The following TPO variants were observed in gnomAD, a reference collection of about 807,000 sequenced individuals.
The protein encoded by TPO is thyroid microsomal antigen.
A neutral mutation model predicts 96.9 loss-of-function variants in TPO; 78 were observed. That is an observed-to-expected ratio of 0.81 (90% CI 0.67 to 0.97). TPO has a LOEUF of 0.97. Ranked by LOEUF, TPO falls within the 50% of genes least tolerant of loss-of-function variation. The pLI, the probability that TPO is intolerant of heterozygous loss-of-function variation, is 0.00. For synonymous variants in TPO, 547 were observed against 538.0 expected, an observed-to-expected ratio of 1.02 and a Z score of -0.23; for missense variants, 1,252 against 1,274.8, an observed-to-expected ratio of 0.98 and a Z score of 0.27.
intron 6 of TPO, among the ~76,000 whole-genome samples, chr2:1,455,225 G>A (rs1486526552): frequency 1.3e-5 from 2 of 152,148 alleles, no homozygotes; most frequent in Non-Finnish European, 2.9e-5. Context: ...CCATCTCAAG[G>A]CCCTTAATGT....
chr2:1,422,368 G>A (rs928076138), intron 2 of TPO, among the ~76,000 whole-genome samples: 2 of 152,168 alleles, frequency 1.3e-5, no homozygotes, highest in African/African-American at 4.8e-5. Flanking sequence ...CGCCGCGCTG[G>A]ACCGACCTCG....
At position 1,496,633 on chromosome 2, in the gene TPO, G is replaced by A. The variant is rs777398235; in HGVS notation, c.2254G>A (p.Asp752Asn). The A allele has an allele frequency of 1.2e-6, 2 of 1,614,048 alleles. No individual in the cohort carries two copies. The highest frequency in any genetic ancestry group is 1.7e-6 in the Non-Finnish European group (2 of 1,180,026). Reference sequence around the variant, plus strand: ...CTTCCCAGAGAGCGTGGAGAATGGGGACTTTGTGCACTGTGAGGAGTCTGG... The same window carrying A: ...CTTCCCAGAGAGCGTGGAGAATGGGAACTTTGTGCACTGTGAGGAGTCTGG... ...CGFPESVENG[D>N]FVHCEESGRR... is the part of the protein sequence containing the mutation. Residue 752 changes from aspartate (D) to asparagine (N), a missense_variant, in exon 13 of 17, where the codon GAC (aspartate) becomes AAC (asparagine). Physicochemically the swap from Asp to Asn is conservative, Grantham distance 23 (BLOSUM62 1). Transcript: ENST00000329066.
intron 15 of TPO, among the ~76,000 whole-genome samples, chr2:1,526,471 ACTGTGTGCAAC>A (rs1178894488): frequency 2.6e-5 from 3 of 113,746 alleles, no homozygotes; most frequent in Non-Finnish European, 5.3e-5. Context: ...AATCCCCTCC[ACTGTGTGCAAC>A]CTCAAGTCCG....
chr2:1,518,104 C>T (rs935763980), intron 15 of TPO, among the ~76,000 whole-genome samples: 2 of 152,216 alleles, frequency 1.3e-5, no homozygotes, highest in African/African-American at 4.8e-5. Flanking sequence ...TTATCCAAGC[C>T]TCCCAGCCTC....
chr2:1,416,265 T>A (rs1343388036), intron 2 of TPO, among the ~76,000 whole-genome samples: 1 of 152,248 alleles, frequency 6.6e-6, no homozygotes, highest in Non-Finnish European at 1.5e-5. Flanking sequence ...CTCTATCACC[T>A]GGAACATGCT....
In TPO at chr2:1,540,770, G is replaced by A. The variant is rs150762359; in HGVS notation, c.2748+47G>A. On this transcript the variant is annotated intron_variant, in intron 16 of 16. Coordinates refer to ENST00000329066, the MANE Select transcript of TPO (RefSeq NM_001206744.2). Reference sequence around the variant, plus strand: ...GTTTCCAGCTGCCACCGCAGTGGTTGGACAGGATCTGGGTGTCGGAGCAGC... The same window carrying A: ...GTTTCCAGCTGCCACCGCAGTGGTTAGACAGGATCTGGGTGTCGGAGCAGC... 7.7e-3 allele frequency: 12,391 copies of A among 1,613,128 alleles called. 59 individuals are homozygous for A. Among genetic ancestry groups the A allele is most frequent in the Non-Finnish European group, 9.3e-3 (11,009 of 1,179,974 alleles).
chr2:1,375,306 G>T (rs962560321), intron 1 of TPO, among the ~76,000 whole-genome samples: 1 of 151,984 alleles, frequency 6.6e-6, no homozygotes, highest in African/African-American at 2.4e-5. Context: ...GATTTATTTT[G>T]GTTTACAGTA....
At chr2:1,387,787 C>T (rs978594647) in intron 1 of TPO, among the ~76,000 whole-genome samples, 2 of 152,110 alleles carry the variant, frequency 1.3e-5, no homozygotes, top group African/African-American at 4.8e-5. Flanking sequence ...GAGAGGCACT[C>T]GATTTTTAGA....
chr2:1,542,588 GGTAAATCTA>G lies in TPO; in HGVS notation c.*118_*126del, dbSNP rs1353412577. The G allele has an allele frequency of 1.3e-6, 2 of 1,563,190 alleles. No individual in the cohort carries two copies. Among genetic ancestry groups the G allele is most frequent in the African/African-American group, 2.7e-5 (2 of 73,650 alleles). On this transcript the variant is annotated 3_prime_UTR_variant, in exon 17 of 17. Transcript: ENST00000329066. ...GCAGGACGACTGTTTTCCCAACACG[GGTAAATCTA>G]GTACCATGTCGTAGTTACTCTCAGG...
chr2:1,540,766 G>A, intron 16 of TPO, 43 bp downstream of exon 16: 1 of 1,613,194 alleles, frequency 6.2e-7, no homozygotes, highest in Non-Finnish European at 8.5e-7. Flanking sequence ...CCACCGCAGT[G>A]GTTGGACAGG....
intron 7 of TPO, among the ~76,000 whole-genome samples, chr2:1,460,814 C>G (rs1232411519): frequency 6.6e-6 from 1 of 151,836 alleles, no homozygotes; most frequent in Non-Finnish European, 1.5e-5. Flanking sequence ...AGGTTGGGCT[C>G]CCCTGGAGCT....
At chr2:1,495,617 G>A (rs1359258383) in intron 11 of TPO, among the ~76,000 whole-genome samples, 1 of 152,226 alleles carries the variant, frequency 6.6e-6, no homozygotes. Flanking sequence ...GTGGCTCTGA[G>A]CCCCTCTTCT....
intron 8 of TPO, among the ~76,000 whole-genome samples, chr2:1,479,631 C>A (rs952645659): frequency 6.6e-6 from 1 of 152,156 alleles, no homozygotes; most frequent in Non-Finnish European, 1.5e-5. Flanking sequence ...GAATTATTAC[C>A]AGGCCCAGTC....
At chr2:1,452,095 T>A (rs1313858977) in intron 5 of TPO, among the ~76,000 whole-genome samples, 4 of 152,248 alleles carry the variant, frequency 2.6e-5, no homozygotes, top group Non-Finnish European at 5.9e-5. Flanking sequence ...TTACTTTTTA[T>A]GTATTTTATA....
intron 1 of TPO, among the ~76,000 whole-genome samples, chr2:1,380,188 AT>A (rs1360579465): frequency 3.9e-5 from 6 of 152,038 alleles, no homozygotes; most frequent in Admixed American, 3.9e-4. Context: ...AGGTCAGGAG[AT>A]CAAGACCATC....
chr2:1,516,432 T>C (rs1022049943), intron 14 of TPO, among the ~76,000 whole-genome samples: 1 of 152,124 alleles, frequency 6.6e-6, no homozygotes, highest in African/African-American at 2.4e-5. Context: ...AAAGATAAAA[T>C]GCAGCCAAGG....
intron 16 of TPO, chr2:1,541,658 T>TAAATGTTCTAACTGCCAAAAAA (rs1553344284): frequency 9.2e-5 from 14 of 152,330 alleles, no homozygotes; most frequent in Non-Finnish European, 1.9e-4. Flanking sequence ...TAATAGATTT[T>TAAATGTTCTAACTGCCAAAAAA]AAATGTTCTA....
intron 1 of TPO, among the ~76,000 whole-genome samples, chr2:1,386,914 C>T (rs1329841628): frequency 6.6e-6 from 1 of 152,170 alleles, no homozygotes; most frequent in Non-Finnish European, 1.5e-5. Context: ...CTGGTGGTGA[C>T]AAAATCTCTC....
Position 1,473,490 on chromosome 2 carries a change from A to G in TPO, c.820-3596A>G, listed in dbSNP as rs147356030. ...TTATCTGTCAAGTCAATACCGCATC[A>G]CCATTCTTTTCCCTAGTTTATTAAG... On this transcript the variant is annotated intron_variant, in intron 7 of 16. Coordinates refer to ENST00000329066, the MANE Select transcript of TPO (RefSeq NM_001206744.2). Among the ~76,000 whole-genome samples the G allele has an allele frequency of 2.6e-4, 39 of 152,274 alleles. 2 individuals carry two copies. In the East Asian group the frequency reaches 7.3e-3, roughly 29 times the overall value.
Sources: gnomAD v4.1 joint callset for allele counts (sites outside exome capture counted in the v4.1 genomes callset) on GRCh38, gnomAD v4.1.1 for gene constraint, MANE v1.5 for transcripts, NCBI Gene and HGNC (gene_info 2026-07-23, HGNC 2026-07-21) for gene names.